The following MFSD2B variants were observed in gnomAD, a reference collection of about 807,000 sequenced individuals.
The protein encoded by MFSD2B is sphingosine-1-phosphate transporter MFSD2B.
A neutral mutation model predicts 58.4 loss-of-function variants in MFSD2B; 56 were observed. The ratio of observed to expected loss-of-function variants is 0.96; its 90% CI spans 0.77 to 1.20. MFSD2B has a LOEUF of 1.20. MFSD2B is among the 50% of genes most tolerant of loss of function. MFSD2B has a pLI of 0.00. For synonymous variants in MFSD2B, 287 were observed against 294.4 expected, an observed-to-expected ratio of 0.97 and a Z score of 0.26; for missense variants, 645 against 667.6, an observed-to-expected ratio of 0.97 and a Z score of 0.37.
At position 24,017,413 on chromosome 2, in the gene MFSD2B, G is replaced by A. The variant is rs1303729787; in HGVS notation, c.551-45G>A. 3.1e-6 allele frequency: 5 copies of A among 1,596,892 alleles called. No individual in the cohort carries two copies. Among genetic ancestry groups the A allele is most frequent in the African/African-American group, 1.3e-5 (1 of 74,640 alleles). On this transcript the variant is annotated intron_variant, in intron 5 of 13. Transcript: ENST00000338315. The surrounding 1 kb of genome is among the most constrained non-coding windows in gnomAD (Gnocchi z 4.8). ...GTTCCAGGGAGGCAACTGCCCCTGG[G>A]ACCCCACTCCCTCTCAGTCACCTTA...
rs1343027779 is a variant in MFSD2B, at chr2:24,016,288, AC to A, written c.347+10del. The A allele has an allele frequency of 6.2e-7, 1 of 1,612,942 alleles. No homozygotes were observed. Among genetic ancestry groups the A allele is most frequent in the Non-Finnish European group, 8.5e-7 (1 of 1,179,478 alleles). On this transcript the variant is annotated intron_variant, in intron 3 of 13. Coordinates refer to ENST00000338315, the MANE Select transcript of MFSD2B (RefSeq NM_001346880.2). ...TGGACGGCTCATGCCTTGGTGAGCA[AC>A]CGCTCAGTCCTTAGGATCCAGGCAC...
At position 24,020,063 on chromosome 2, in the gene MFSD2B, A is replaced by G. The variant is rs1662710618; in HGVS notation, c.682-1585A>G. 6.6e-6 allele frequency among the ~76,000 whole-genome samples: 1 copy of G among 152,242 alleles called. No individual in the cohort carries two copies. The highest frequency in any genetic ancestry group is 6.5e-5 in the Admixed American group (1 of 15,290). On this transcript the variant is annotated intron_variant, in intron 6 of 13. Transcript: ENST00000338315. This position sits in a 1 kb window ranked among gnomAD's most constrained non-coding sequence, Gnocchi z 4.1. ...GCCTCCCAGCTACACGACCACGTCC[A>G]GGACCTGGTGCTAGCTGTCCTGGTG...
rs748195250 is a variant in MFSD2B at position 24,017,336 on chromosome 2, A to G, written c.522A>G (p.Pro174=). Residue 174 remains proline, a synonymous_variant, in exon 5 of 14, where the codon CCA becomes CCG. Transcript: ENST00000338315. The surrounding 1 kb of genome is among the most constrained non-coding windows in gnomAD (Gnocchi z 4.8). ...TALTMLLTPC[P]RERDSATAYR... Reference sequence around the variant, plus strand: ...TCACCATGCTGCTGACTCCCTGCCCAAGGGAGCGGGACTCGGCCACCGCCT... The same window carrying G: ...TCACCATGCTGCTGACTCCCTGCCCGAGGGAGCGGGACTCGGCCACCGCCT... 4 of 1,606,918 alleles carry G rather than the reference A, an allele frequency of 2.5e-6. 1 individual carries two copies. The highest frequency in any genetic ancestry group is 3.3e-4 in the Middle Eastern group (2 of 6,048).
chr2:24,016,977 G>A lies in MFSD2B; in HGVS notation c.471+9G>A. ...TCCAGGCCCTGGCCACGGTAAGCAG[G>A]GCCCCTTCCTGGGCCTGTGCTCTGG... On this transcript the variant is annotated intron_variant, in intron 4 of 13. Transcript: ENST00000338315. The A allele has an allele frequency of 3.1e-6, 5 of 1,613,496 alleles. No homozygotes were observed. The highest frequency in any genetic ancestry group is 4.2e-6 in the Non-Finnish European group (5 of 1,179,844).
intron 3 of MFSD2B, 90 bp from the exon 4 acceptor site, chr2:24,016,755 C>A: frequency 6.7e-7 from 1 of 1,501,814 alleles, no homozygotes; most frequent in Non-Finnish European, 9.0e-7. Flanking sequence ...TCTCAAGGGG[C>A]AGAGAAGGGG....
At position 24,020,645 on chromosome 2, in the gene MFSD2B, G is replaced by T. The variant is rs777262789; in HGVS notation, c.682-1003G>T. On this transcript the variant is annotated intron_variant, in intron 6 of 13. Transcript: ENST00000338315. The surrounding 1 kb of genome is among the most constrained non-coding windows in gnomAD (Gnocchi z 4.1). The stretch of plus-strand genomic sequence containing the variant: ...TGCAATCACAGCTCACAGCAACCTC[G>T]ACCTCCCAGACTCAAGCGATTCTGC... Among the ~76,000 whole-genome samples, 1 of 151,764 alleles carries T rather than the reference G, an allele frequency of 6.6e-6. No individual in the cohort carries two copies. The highest frequency in any genetic ancestry group is 6.6e-5 in the Admixed American group (1 of 15,210).
rs1159691735 is a variant in MFSD2B at position 24,017,465 on chromosome 2, T to G, written c.558T>G (p.Thr186=). 7 of 1,601,794 alleles carry G rather than the reference T, an allele frequency of 4.4e-6. No individual in the cohort carries two copies. The highest frequency in any genetic ancestry group is 1.6e-4 in the Middle Eastern group (1 of 6,062). The part of the protein sequence containing the change: ...ERDSATAYRM[T]VEMAGTLMGA... ...GTGGCACTCTGTCTCCAGGGATGAC[T>G]GTGGAGATGGCGGGAACACTGATGG... The change falls in exon 6 of 14, where the codon ACT becomes ACG. Residue 186 remains threonine, a synonymous_variant. Transcript: ENST00000338315. The surrounding 1 kb of genome is among the most constrained non-coding windows in gnomAD (Gnocchi z 4.8).
rs573001368 is a variant in MFSD2B at position 24,013,575 on chromosome 2, C to T, written c.222+165C>T. On this transcript the variant is annotated intron_variant, in intron 2 of 13. Transcript: ENST00000338315. ...AGGGCAAGGTACTCAAGAATGTTTA[C>T]TGCAGCCTGTTTGTAGTGGGAAAAT... Among the ~76,000 whole-genome samples, 6 of 152,252 alleles carry T rather than the reference C, an allele frequency of 3.9e-5. No homozygotes were observed. The South Asian group carries it at 1.2e-3, about 32-fold the overall frequency.
chr2:24,014,187 A>T, intron 2 of MFSD2B, among the ~76,000 whole-genome samples: 1 of 151,588 alleles, frequency 6.6e-6, no homozygotes. Flanking sequence ...AATTTTTTGT[A>T]TTTTTAGTAG....
intron 2 of MFSD2B, among the ~76,000 whole-genome samples, chr2:24,014,708 T>A (rs999470332): frequency 3.5e-4 from 54 of 152,320 alleles, no homozygotes; most frequent in African/African-American, 1.3e-3. Context: ...CATATGTATC[T>A]GTCCATGTTT....
In MFSD2B at chr2:24,022,955, G is replaced by A. The variant is rs1333808665; in HGVS notation, c.1059+53G>A. 17 of 1,534,758 alleles carry A rather than the reference G, an allele frequency of 1.1e-5. No homozygotes were observed. Among genetic ancestry groups the A allele is most frequent in the Admixed American group, 7.2e-5 (4 of 55,362 alleles). ...GGGTGGCCGGAGGGGAGAGGTGAGC[G>A]AGGTGACCTTGGTGCCTGAGCCTCC... On this transcript the variant is annotated intron_variant, in intron 10 of 13. Coordinates refer to ENST00000338315, the MANE Select transcript of MFSD2B (RefSeq NM_001346880.2). This position sits in a 1 kb window ranked among gnomAD's most constrained non-coding sequence, Gnocchi z 4.5.
chr2:24,023,360 C>A lies in MFSD2B; in HGVS notation c.1169+121C>A. On this transcript the variant is annotated intron_variant, in intron 11 of 13. Coordinates refer to ENST00000338315, the MANE Select transcript of MFSD2B (RefSeq NM_001346880.2). This position sits in a 1 kb window ranked among gnomAD's most constrained non-coding sequence, Gnocchi z 5.0. Reference sequence around the variant, plus strand: ...AGGAGATGGAGGCCACCAGCTCCATCCTCAGAGCCCTCCTGAGAGGACATC... The same window carrying A: ...AGGAGATGGAGGCCACCAGCTCCATACTCAGAGCCCTCCTGAGAGGACATC... 1.0e-6 allele frequency: 1 copy of A among 966,468 alleles called. No homozygotes were observed. The allele number at this position is 966,468 out of a possible 1,614,324, so 59.9% of individuals were successfully genotyped here. A position where few individuals can be genotyped will look rare whatever the true frequency, so the allele number is the denominator to read the frequency against.
At chr2:24,011,106 G>A (rs1033750064) in intron 1 of MFSD2B, among the ~76,000 whole-genome samples, 1 of 152,224 alleles carries the variant, frequency 6.6e-6, no homozygotes, top group Non-Finnish European at 1.5e-5. Context: ...GAGGTGCCCT[G>A]CCCTGGGTCA....
At chr2:24,014,620 G>C (rs781007159) in intron 2 of MFSD2B, among the ~76,000 whole-genome samples, 2 of 152,152 alleles carry the variant, frequency 1.3e-5, no homozygotes, top group Non-Finnish European at 2.9e-5. Context: ...TTTTAGAGAA[G>C]AGTATATAAA....
In MFSD2B at chr2:24,010,209, G is replaced by T; in HGVS notation, c.96+17G>T. The T allele has an allele frequency of 1.5e-6, 2 of 1,371,844 alleles. No individual in the cohort carries two copies. The highest frequency in any genetic ancestry group is 1.5e-5 in the African/African-American group (1 of 65,690). The allele number at this position is 1,371,844 out of a possible 1,614,324, so 85.0% of individuals were successfully genotyped here. A position where few individuals can be genotyped will look rare whatever the true frequency, so the allele number is the denominator to read the frequency against. ...GGGCGAGAGGTGAGCGGGGCGGCGG[G>T]GACCGGGAAGGGGCTGCGTCCTCGG... is the stretch of plus-strand genomic sequence containing the variant. On this transcript the variant is annotated intron_variant, in intron 1 of 13. Coordinates refer to ENST00000338315, the MANE Select transcript of MFSD2B (RefSeq NM_001346880.2).
chr2:24,022,810 G>C lies in MFSD2B; in HGVS notation c.979-12G>C. 1 of 1,561,628 alleles carries C rather than the reference G, an allele frequency of 6.4e-7. No homozygotes were observed. On this transcript the variant is annotated splice_polypyrimidine_tract_variant and intron_variant, in intron 9 of 13. Coordinates refer to ENST00000338315, the MANE Select transcript of MFSD2B (RefSeq NM_001346880.2). The surrounding 1 kb of genome is among the most constrained non-coding windows in gnomAD (Gnocchi z 4.5). ...AGCACGGCCCTGGCGTGACGATGCT[G>C]TCTGCTCACAGGTCTCAGCCGTGCT...
chr2:24,016,141 C>T lies in MFSD2B; in HGVS notation c.223-15C>T, dbSNP rs1709136045. ...CTGGGCCTCAGCTCTCTATCCCCTC[C>T]CCTGTCTGTTTCAGATCCCTGCCGC... On this transcript the variant is annotated splice_polypyrimidine_tract_variant and intron_variant, in intron 2 of 13. Transcript: ENST00000338315. The T allele has an allele frequency of 6.2e-7, 1 of 1,612,872 alleles. No homozygotes were observed. Among genetic ancestry groups the T allele is most frequent in the African/African-American group, 1.3e-5 (1 of 75,052 alleles).
At chr2:24,011,234 T>C (rs1214349301) in intron 1 of MFSD2B, among the ~76,000 whole-genome samples, 1 of 152,184 alleles carries the variant, frequency 6.6e-6, no homozygotes, top group Admixed American at 6.5e-5. Context: ...GGTAAAACTG[T>C]CATCCTCAAG....
chr2:24,022,942 G>A lies in MFSD2B; in HGVS notation c.1059+40G>A. 1 of 1,574,676 alleles carries A rather than the reference G, an allele frequency of 6.4e-7. No homozygotes were observed. The highest frequency in any genetic ancestry group is 8.7e-7 in the Non-Finnish European group (1 of 1,155,500). ...AATCAAGGATTGGGGGTGGCCGGAG[G>A]GGAGAGGTGAGCGAGGTGACCTTGG... On this transcript the variant is annotated intron_variant, in intron 10 of 13. Transcript: ENST00000338315. This position sits in a 1 kb window ranked among gnomAD's most constrained non-coding sequence, Gnocchi z 4.5.
Sources: allele counts gnomAD v4.1 joint callset (sites outside exome capture counted in the v4.1 genomes callset), GRCh38; gene constraint gnomAD v4.1.1; non-coding constraint Gnocchi (gnomAD v3.1); transcripts MANE v1.5; gene names NCBI Gene and HGNC (gene_info 2026-07-23, HGNC 2026-07-21).